MSL2: variants seen among roughly 807,000 people sequenced by gnomAD.
MSL2 encodes E3 ubiquitin-protein ligase MSL2.
Under a neutral mutation model 35.8 loss-of-function variants are expected in MSL2, and 2 were observed. That is an observed-to-expected ratio of 0.06 (90% CI 0.02 to 0.18). The LOEUF (loss-of-function observed/expected upper bound fraction) is 0.18. Ranked by LOEUF, MSL2 falls within the 10% of genes least tolerant of loss-of-function variation. The pLI, the probability that MSL2 is intolerant of heterozygous loss-of-function variation, is 1.00. For synonymous variants in MSL2, 296 were observed against 255.7 expected (o/e 1.16, Z -1.50); for missense variants, 523 against 706.7 (o/e 0.74, Z 2.95).
chr3:136,195,864 G>A lies in MSL2; in HGVS notation c.-751C>T, dbSNP rs1940829426. ...GGAAGTGCGCGGGCCGCCGCCGGCG[G>A]GCGGGAGGGGGCGGGGGGCAAGCCC... is the stretch of plus-strand genomic sequence containing the variant. On this transcript the variant is annotated 5_prime_UTR_variant, in exon 1 of 2. Coordinates refer to ENST00000309993, the MANE Select transcript of MSL2 (RefSeq NM_018133.4). 2 of 968,594 alleles carry A rather than the reference G, an allele frequency of 2.1e-6. No homozygotes were observed. The highest frequency in any genetic ancestry group is 1.2e-4 in the East Asian group (1 of 8,670). The allele number at this position is 968,594 out of a possible 1,614,324, so 60.0% of individuals were successfully genotyped here.
intron 1 of MSL2, among the ~76,000 whole-genome samples, chr3:136,189,147 A>ACAC (rs1559973690): frequency 7.1e-6 from 1 of 140,556 alleles, no homozygotes; most frequent in African/African-American, 2.8e-5. Flanking sequence ...CACACACACA[A>ACAC]AAATAAGGCG....
chr3:136,189,307 T>TAA (rs776699005), intron 1 of MSL2, among the ~76,000 whole-genome samples: 3 of 113,618 alleles, frequency 2.6e-5, no homozygotes, highest in Admixed American at 9.2e-5. Context: ...TCGAGAAAAT[T>TAA]AAAAAAAAAA....
At chr3:136,194,116 G>A (rs375938219) in intron 1 of MSL2, among the ~76,000 whole-genome samples, 1 of 152,234 alleles carries the variant, frequency 6.6e-6, no homozygotes, top group East Asian at 1.9e-4. Flanking sequence ...AGTGGAGCAT[G>A]CATATTACTG....
intron 1 of MSL2, among the ~76,000 whole-genome samples, chr3:136,173,041 T>C (rs966909250): frequency 2.0e-5 from 3 of 152,136 alleles, no homozygotes; most frequent in Non-Finnish European, 4.4e-5. Flanking sequence ...TGTGCGCCTG[T>C]AATCCCAGCT....
At chr3:136,162,852 T>C (rs1354155454) in intron 1 of MSL2, among the ~76,000 whole-genome samples, 1 of 152,166 alleles carries the variant, frequency 6.6e-6, no homozygotes, top group Non-Finnish European at 1.5e-5. Flanking sequence ...ATCCTTGCAA[T>C]CCTCATTTTT....
intron 1 of MSL2, among the ~76,000 whole-genome samples, chr3:136,163,570 A>C (rs1475617183): frequency 6.6e-6 from 1 of 152,244 alleles, no homozygotes; most frequent in East Asian, 1.9e-4. Context: ...GGAAGCAGAG[A>C]AACTATCAAA....
Position 136,151,094 on chromosome 3 carries a change from C to T in MSL2, c.*53G>A, listed in dbSNP as rs1230609225. On this transcript the variant is annotated 3_prime_UTR_variant, in exon 2 of 2. Coordinates refer to ENST00000309993, the MANE Select transcript of MSL2 (RefSeq NM_018133.4). The surrounding 1 kb of genome is among the most constrained non-coding windows in gnomAD (Gnocchi z 5.2). ...GTTAAACCAACAGAACCATAGCTGC[C>T]GTAAAACTGTAGCTATTTCCCTACC... The T allele has an allele frequency of 1.3e-5, 21 of 1,564,896 alleles. No homozygotes were observed. Among genetic ancestry groups the T allele is most frequent in the Non-Finnish European group, 1.7e-5 (19 of 1,147,338 alleles).
Position 136,195,503 on chromosome 3 carries a change from T to C in MSL2, c.-390A>G. 1 of 1,012,034 alleles carries C rather than the reference T, an allele frequency of 9.9e-7. No individual in the cohort carries two copies. 62.7% of individuals were successfully genotyped at this position (1,012,034 alleles called of 1,614,324 possible). ...CCGGACACGGAGGCGCCTCCTCAAGTCGAGCTGGCAGGCGCGGGAGCAGGC... is the reference window on the plus strand; with the variant it reads ...CCGGACACGGAGGCGCCTCCTCAAGCCGAGCTGGCAGGCGCGGGAGCAGGC... On this transcript the variant is annotated 5_prime_UTR_variant, in exon 1 of 2. Coordinates refer to ENST00000309993, the MANE Select transcript of MSL2 (RefSeq NM_018133.4).
At chr3:136,187,511 GA>G (rs995443912) in intron 1 of MSL2, among the ~76,000 whole-genome samples, 15 of 148,938 alleles carry the variant, frequency 1.0e-4, no homozygotes, top group South Asian at 2.1e-4. Context: ...AAAAATACAT[GA>G]AAAAAAAAAT....
In MSL2 at chr3:136,195,719, T is replaced by A. The variant is rs925082750; in HGVS notation, c.-606A>T. ...GCTGGCGGACGCCGCCGCCGCGCTC[T>A]CCATATCGGACGCGGGGCCCAGACT... is the stretch of plus-strand genomic sequence containing the variant. On this transcript the variant is annotated 5_prime_UTR_variant, in exon 1 of 2. Coordinates refer to ENST00000309993, the MANE Select transcript of MSL2 (RefSeq NM_018133.4). 2.0e-6 allele frequency: 2 copies of A among 983,382 alleles called. No homozygotes were observed. The highest frequency in any genetic ancestry group is 5.3e-4 in the Middle Eastern group (1 of 1,898). 60.9% of individuals were successfully genotyped at this position (983,382 alleles called of 1,614,324 possible).
At chr3:136,162,754 AAAGT>A (rs1939743862) in intron 1 of MSL2, among the ~76,000 whole-genome samples, 1 of 152,168 alleles carries the variant, frequency 6.6e-6, no homozygotes, top group African/African-American at 2.4e-5. Context: ...AAACCAAAAT[AAAGT>A]AACCATAATT....
At chr3:136,182,713 C>G (rs1371026356) in intron 1 of MSL2, among the ~76,000 whole-genome samples, 2 of 147,248 alleles carry the variant, frequency 1.4e-5, no homozygotes, top group African/African-American at 2.6e-5. Context: ...GAGACTCCGT[C>G]TCAAAAAAAA....
chr3:136,189,958 G>A (rs867994076), intron 1 of MSL2, among the ~76,000 whole-genome samples: 5 of 151,918 alleles, frequency 3.3e-5, no homozygotes, highest in Middle Eastern at 3.2e-3. Flanking sequence ...GTGCACTTTC[G>A]TAGTTCCTGC....
chr3:136,159,911 A>T (rs2108066034), intron 1 of MSL2, among the ~76,000 whole-genome samples: 1 of 152,236 alleles, frequency 6.6e-6, no homozygotes, highest in East Asian at 1.9e-4. Flanking sequence ...AAAGGAAAAA[A>T]AAATAGTTAA....
intron 1 of MSL2, among the ~76,000 whole-genome samples, chr3:136,187,128 G>C (rs1940548215): frequency 6.6e-6 from 1 of 152,170 alleles, no homozygotes; most frequent in Non-Finnish European, 1.5e-5. Flanking sequence ...TACATGTTAT[G>C]TGAAAGCACT....
intron 1 of MSL2, among the ~76,000 whole-genome samples, chr3:136,184,172 T>C (rs1940445339): frequency 6.6e-6 from 1 of 151,796 alleles, no homozygotes; most frequent in Non-Finnish European, 1.5e-5. Context: ...GGTGGGCGCC[T>C]GTAGTCCCAG....
intron 1 of MSL2, among the ~76,000 whole-genome samples, chr3:136,191,101 T>C (rs1576378837): frequency 6.6e-6 from 1 of 152,224 alleles, no homozygotes; most frequent in Non-Finnish European, 1.5e-5. Flanking sequence ...CATTGTCTAC[T>C]GTGCAAAGGT....
At chr3:136,179,479 C>A (rs931423494) in intron 1 of MSL2, among the ~76,000 whole-genome samples, 1 of 152,162 alleles carries the variant, frequency 6.6e-6, no homozygotes, top group Non-Finnish European at 1.5e-5. Context: ...TCCTGCCCAG[C>A]GAGGAATGTG....
At chr3:136,167,928 C>G (rs1040096722) in intron 1 of MSL2, among the ~76,000 whole-genome samples, 7 of 152,062 alleles carry the variant, frequency 4.6e-5, no homozygotes, top group Non-Finnish European at 8.8e-5. Context: ...AGACAGGAAA[C>G]AGTTTTCCGC....
Sources: allele counts gnomAD v4.1 joint callset (sites outside exome capture counted in the v4.1 genomes callset), GRCh38; gene constraint gnomAD v4.1.1; non-coding constraint Gnocchi (gnomAD v3.1); transcripts MANE v1.5; gene names NCBI Gene and HGNC (gene_info 2026-07-23, HGNC 2026-07-21).